CELF4: variants seen among roughly 807,000 people sequenced by gnomAD.
CELF4 encodes CUGBP Elav-like family member 4, also known as CUG-BP- and ETR-3-like factor 4.
CELF4 carries 18 observed loss-of-function variants against 59.9 expected under a neutral mutation model. The ratio of observed to expected loss-of-function variants is 0.30; its 90% CI spans 0.21 to 0.45. The LOEUF is 0.45. Among genes scored for constraint, CELF4 ranks in the 20% least tolerant of loss-of-function variants. CELF4 has a pLI of 1.00. For synonymous variants in CELF4, 261 were observed against 267.1 expected, an observed-to-expected ratio of 0.98 and a Z score of 0.22; for missense variants, 456 against 689.0, an observed-to-expected ratio of 0.66 and a Z score of 3.79.
At chr18:37,518,336 A>T (rs2099953277) in intron 1 of CELF4, among the ~76,000 whole-genome samples, 1 of 152,202 alleles carries the variant, frequency 6.6e-6, no homozygotes, top group African/African-American at 2.4e-5. Context: ...CCTGGGCAAT[A>T]AGCGACACAC....
chr18:37,273,479 G>A (rs1361752156), intron 6 of CELF4: 2 of 1,069,078 alleles, frequency 1.9e-6, no homozygotes, highest in Non-Finnish European at 2.3e-6. Context: ...CATTCGTGGG[G>A]AAGTGACATC....
In CELF4 at chr18:37,253,732, AC is replaced by A. The variant is rs1027795536; in HGVS notation, c.*44+34del. The A allele has an allele frequency of 1.1e-5, 17 of 1,498,208 alleles. No individual in the cohort carries two copies. The highest frequency in any genetic ancestry group is 1.5e-5 in the Non-Finnish European group (17 of 1,113,220). 92.8% of individuals were successfully genotyped at this position (1,498,208 alleles called of 1,614,324 possible). A position where few individuals can be genotyped will look rare whatever the true frequency, so the allele number is the denominator to read the frequency against. ...GGCGGGTCCGTCTGGTTCCCTCCCA[AC>A]CCCCGTCCCCGCGCCCCGGCCGCCC... On this transcript the variant is annotated intron_variant, in intron 12 of 12. Transcript: ENST00000420428. The surrounding 1 kb of genome is among the most constrained non-coding windows in gnomAD (Gnocchi z 4.5).
At chr18:37,539,560 G>C (rs1357370669) in intron 1 of CELF4, among the ~76,000 whole-genome samples, 2 of 152,182 alleles carry the variant, frequency 1.3e-5, no homozygotes, top group Non-Finnish European at 2.9e-5. Flanking sequence ...TGCTGTGCGT[G>C]TGTGAACATT....
At chr18:37,361,082 C>T (rs2098696301) in intron 2 of CELF4, among the ~76,000 whole-genome samples, 1 of 152,096 alleles carries the variant, frequency 6.6e-6, no homozygotes, top group African/African-American at 2.4e-5. Context: ...GCTGGACATA[C>T]ATTAAGCCTT....
At chr18:37,528,825 C>T (rs1338006498) in intron 1 of CELF4, 1 of 152,128 alleles carries the variant, frequency 6.6e-6, no homozygotes, top group African/African-American at 2.4e-5. Context: ...ACCACAGTCT[C>T]CTAGTTCAGC....
At position 37,439,865 on chromosome 18, in the gene CELF4, G is replaced by A. The variant is rs575482763; in HGVS notation, c.369+45660C>T. Among the ~76,000 whole-genome samples, 9 of 152,314 alleles carry A rather than the reference G, an allele frequency of 5.9e-5. No individual in the cohort carries two copies. In the South Asian group the frequency reaches 1.9e-3, roughly 32 times the overall value. On this transcript the variant is annotated intron_variant, in intron 2 of 12. Transcript: ENST00000420428. The stretch of plus-strand genomic sequence containing the variant: ...ACATTTGTCCCCAAGACATTTATAT[G>A]TGTATTAAATGATGACTGATGTGTA...
At chr18:37,270,734 G>A in intron 8 of CELF4, 34 bp downstream of exon 8, 1 of 1,612,444 alleles carries the variant, frequency 6.2e-7, no homozygotes, top group Non-Finnish European at 8.5e-7. Context: ...AGAATGTGCT[G>A]CATACGGAAA....
intron 12 of CELF4, among the ~76,000 whole-genome samples, chr18:37,252,864 G>A (rs2066409336): frequency 6.6e-6 from 1 of 151,938 alleles, no homozygotes; most frequent in Non-Finnish European, 1.5e-5. Context: ...CATGGGCAGG[G>A]AGGGGCGGTC....
chr18:37,548,758 C>T (rs1029379679), intron 1 of CELF4, among the ~76,000 whole-genome samples: 1 of 152,210 alleles, frequency 6.6e-6, no homozygotes. Flanking sequence ...AGGCTCTGAG[C>T]AAGGAGGTGA....
intron 1 of CELF4, among the ~76,000 whole-genome samples, chr18:37,493,494 G>C (rs910408769): frequency 3.9e-5 from 6 of 152,228 alleles, no homozygotes; most frequent in African/African-American, 1.2e-4. Flanking sequence ...GCTCCATTCT[G>C]CCTCTGGCTG....
chr18:37,427,038 G>T (rs1216040837), intron 2 of CELF4, among the ~76,000 whole-genome samples: 1 of 12,020 alleles, frequency 8.3e-5, no homozygotes, highest in Non-Finnish European at 2.5e-4. Context: ...GCAGGGACAC[G>T]GGGGGGGGGG....
At chr18:37,499,620 T>A (rs1474241922) in intron 1 of CELF4, among the ~76,000 whole-genome samples, 1 of 152,224 alleles carries the variant, frequency 6.6e-6, no homozygotes, top group Non-Finnish European at 1.5e-5. Context: ...ATGGCAGGGC[T>A]GGCCCCTCTG....
chr18:37,468,267 C>T (rs927965055), intron 2 of CELF4, among the ~76,000 whole-genome samples: 5 of 152,182 alleles, frequency 3.3e-5, no homozygotes, highest in African/African-American at 9.7e-5. Context: ...TGCAGCTCAA[C>T]GGTATTTCAA....
chr18:37,295,841 G>A (rs1229440865), intron 3 of CELF4, among the ~76,000 whole-genome samples: 1 of 152,228 alleles, frequency 6.6e-6, no homozygotes, highest in Non-Finnish European at 1.5e-5. Flanking sequence ...AAGAGGAACT[G>A]CACTGGGGGT....
intron 2 of CELF4, among the ~76,000 whole-genome samples, chr18:37,421,885 G>C (rs539051897): frequency 6.6e-6 from 1 of 152,350 alleles, no homozygotes; most frequent in South Asian, 2.1e-4. Context: ...TCTCTCCTCG[G>C]AAGGCAATCC....
chr18:37,558,813 G>GTGTGTGTGTA (rs1313427241), intron 1 of CELF4, among the ~76,000 whole-genome samples: 43 of 151,370 alleles, frequency 2.8e-4, no homozygotes, highest in Admixed American at 2.4e-3. Flanking sequence ...GGTCGTGTGT[G>GTGTGTGTGTA]TGTGTGTGTG....
chr18:37,343,514 G>A (rs528778237), intron 2 of CELF4, among the ~76,000 whole-genome samples: 1 of 152,114 alleles, frequency 6.6e-6, no homozygotes, highest in South Asian at 2.1e-4. Context: ...TGCCGGCCAG[G>A]CTCGGCTTTG....
intron 2 of CELF4, among the ~76,000 whole-genome samples, chr18:37,410,189 C>G (rs1025914492): frequency 6.6e-6 from 1 of 152,206 alleles, no homozygotes; most frequent in African/African-American, 2.4e-5. Flanking sequence ...GCCCCTGCCT[C>G]CCTGGCAGCC....
At chr18:37,321,611 C>T (rs1371569360) in intron 3 of CELF4, among the ~76,000 whole-genome samples, 192 bp downstream of exon 3, 1 of 152,190 alleles carries the variant, frequency 6.6e-6, no homozygotes, top group Non-Finnish European at 1.5e-5. Flanking sequence ...ACCCCAAACA[C>T]CCCCCTTCCC....
Sources: allele counts gnomAD v4.1 joint callset (sites outside exome capture counted in the v4.1 genomes callset), GRCh38; gene constraint gnomAD v4.1.1; non-coding constraint Gnocchi (gnomAD v3.1); transcripts MANE v1.5; gene names NCBI Gene and HGNC (gene_info 2026-07-23, HGNC 2026-07-21).